STK39: variants seen among roughly 807,000 people sequenced by gnomAD.
The protein encoded by STK39 is serine/threonine kinase 39.
In STK39, 20 loss-of-function variants were observed where a neutral mutation model predicts 77.8. The observed-to-expected ratio is 0.26, with a 90% confidence interval of 0.18 to 0.37. The LOEUF is 0.37. STK39 is among the 10% of genes least tolerant of loss of function. The probability of loss-of-function intolerance (pLI) is 1.00; values close to 1 mark genes in which losing one functional copy is unlikely to be tolerated. For missense variants in STK39, 479 were observed against 656.5 expected (o/e 0.73, Z 2.95); for synonymous variants, 246 against 234.1 (o/e 1.05, Z -0.47).
At chr2:168,054,777 C>A (rs200973315) in intron 14 of STK39, among the ~76,000 whole-genome samples, 5 of 149,066 alleles carry the variant, frequency 3.4e-5, no homozygotes, top group African/African-American at 4.9e-5. Context: ...TTGAAAAAAA[C>A]AAAAAAAAAA....
chr2:168,062,337 G>A (rs1283081555), intron 14 of STK39, among the ~76,000 whole-genome samples: 1 of 152,166 alleles, frequency 6.6e-6, no homozygotes, highest in African/African-American at 2.4e-5. Context: ...TACCTCGTTC[G>A]AAAGTCAAAC....
intron 8 of STK39, among the ~76,000 whole-genome samples, chr2:168,136,268 G>A (rs1574493716): frequency 6.6e-6 from 1 of 151,198 alleles, no homozygotes; most frequent in Non-Finnish European, 1.5e-5. Context: ...ACTCGGGAGA[G>A]TGAGGCAGGA....
chr2:168,139,179 G>A (rs1231362596), intron 7 of STK39, among the ~76,000 whole-genome samples: 3 of 152,108 alleles, frequency 2.0e-5, no homozygotes, highest in Non-Finnish European at 4.4e-5. Context: ...GGACAAGCAA[G>A]TGCGACTTTG....
At chr2:168,087,218 G>A (rs1686391413) in intron 10 of STK39, among the ~76,000 whole-genome samples, 1 of 152,200 alleles carries the variant, frequency 6.6e-6, no homozygotes, top group South Asian at 2.1e-4. Context: ...CTTACCTGCA[G>A]AAGAAAGAGG....
chr2:167,986,867 G>A (rs1379378415), intron 16 of STK39, among the ~76,000 whole-genome samples: 4 of 152,140 alleles, frequency 2.6e-5, no homozygotes, highest in African/African-American at 4.8e-5. Context: ...GTACGAAGAC[G>A]AGTCACAAGC....
intron 16 of STK39, among the ~76,000 whole-genome samples, chr2:167,970,805 T>G (rs192346620): frequency 6.6e-6 from 1 of 152,344 alleles, no homozygotes; most frequent in East Asian, 1.9e-4. Flanking sequence ...CAAACTGTGT[T>G]CAAATAAGGC....
At chr2:168,162,063 A>G (rs1388948702) in intron 4 of STK39, among the ~76,000 whole-genome samples, 1 of 152,214 alleles carries the variant, frequency 6.6e-6, no homozygotes, top group Admixed American at 6.5e-5. Flanking sequence ...AGGTGGGTGG[A>G]GCACCTGAGG....
chr2:168,247,365 GCC>G lies in STK39; in HGVS notation c.69_70del (p.Ala24GlyfsTer81). On this transcript the variant is annotated frameshift_variant, in exon 1 of 18. Transcript: ENST00000355999. LOFTEE classifies it high-confidence loss of function. Reference sequence around the variant, plus strand: ...TGTCGCGGCCGCCGGGGCCGCCGCCGCCGCCGCTGTCACCGGGGCCGCCTGCT... The same window carrying G: ...TGTCGCGGCCGCCGGGGCCGCCGCCGGCCGCTGTCACCGGGGCCGCCTGCT... 1.0e-6 allele frequency: 1 copy of G among 989,166 alleles called. No individual in the cohort carries two copies. The allele number at this position is 989,166 out of a possible 1,614,324, so 61.3% of individuals were successfully genotyped here.
chr2:167,957,704 G>C (rs969863800), intron 17 of STK39, among the ~76,000 whole-genome samples: 1 of 152,186 alleles, frequency 6.6e-6, no homozygotes, highest in African/African-American at 2.4e-5. Context: ...ATCTTCATCA[G>C]AAATTTGGCA....
chr2:168,049,662 G>A (rs1685342192), intron 14 of STK39, among the ~76,000 whole-genome samples: 1 of 152,338 alleles, frequency 6.6e-6, no homozygotes. Context: ...AAACAAGGCA[G>A]TGGGCATTTA....
At chr2:168,016,089 G>A (rs141458364) in intron 15 of STK39, among the ~76,000 whole-genome samples, 37 of 152,020 alleles carry the variant, frequency 2.4e-4, no homozygotes, top group Admixed American at 5.9e-4. Flanking sequence ...CACCACACCC[G>A]GCTAGTTTTT....
intron 8 of STK39, among the ~76,000 whole-genome samples, chr2:168,133,815 G>A (rs930641072): frequency 2.6e-5 from 4 of 151,648 alleles, no homozygotes; most frequent in African/African-American, 9.7e-5. Flanking sequence ...CCGAGATCAT[G>A]CCATTCCACT....
chr2:168,085,107 CA>C (rs1167432447), intron 10 of STK39, among the ~76,000 whole-genome samples: 7 of 152,122 alleles, frequency 4.6e-5, no homozygotes, highest in African/African-American at 1.7e-4. Flanking sequence ...TATCGTACTA[CA>C]AAATACTGCC....
chr2:168,054,600 T>C (rs1685476922), intron 14 of STK39, among the ~76,000 whole-genome samples: 1 of 152,198 alleles, frequency 6.6e-6, no homozygotes, highest in Non-Finnish European at 1.5e-5. Context: ...ATCAGAGCAC[T>C]GTATTTCTAT....
At chr2:168,125,584 C>T (rs1488709510) in intron 10 of STK39, among the ~76,000 whole-genome samples, 1 of 152,112 alleles carries the variant, frequency 6.6e-6, no homozygotes, top group Non-Finnish European at 1.5e-5. Context: ...CATGCCTGGG[C>T]CCCTCAGACT....
At chr2:168,144,431 G>A (rs766121930) in intron 5 of STK39, among the ~76,000 whole-genome samples, 4 of 151,576 alleles carry the variant, frequency 2.6e-5, no homozygotes, top group Non-Finnish European at 5.9e-5. Context: ...AGCCTCCCAA[G>A]CAGCTATGAC....
intron 10 of STK39, among the ~76,000 whole-genome samples, chr2:168,107,834 A>T (rs916751322): frequency 3.9e-5 from 6 of 152,212 alleles, no homozygotes; most frequent in Non-Finnish European, 7.3e-5. Flanking sequence ...ACATGTGAAA[A>T]ATGTTTATAG....
At chr2:168,170,247 C>T (rs1329324833) in intron 2 of STK39, among the ~76,000 whole-genome samples, 1 of 152,174 alleles carries the variant, frequency 6.6e-6, no homozygotes, top group Admixed American at 6.5e-5. Flanking sequence ...GTTAAATTAT[C>T]TAAGCTTCTC....
intron 1 of STK39, among the ~76,000 whole-genome samples, chr2:168,204,223 G>T (rs569110763): frequency 6.6e-6 from 1 of 152,168 alleles, no homozygotes; most frequent in African/African-American, 2.4e-5. Context: ...TGCACATAAA[G>T]CGAGGTCACC....
Sources: gnomAD v4.1 joint callset for allele counts (sites outside exome capture counted in the v4.1 genomes callset) on GRCh38, gnomAD v4.1.1 for gene constraint, MANE v1.5 for transcripts, NCBI Gene and HGNC (gene_info 2026-07-23, HGNC 2026-07-21) for gene names.